DOCK1: variants seen among roughly 807,000 people sequenced by gnomAD.
The protein encoded by DOCK1 is dedicator of cytokinesis 1, also known as dedicator of cytokinesis protein 1.
In DOCK1, 138 loss-of-function variants were observed where a neutral mutation model predicts 262.7. That is an observed-to-expected ratio of 0.53 (90% CI 0.46 to 0.61). The LOEUF (loss-of-function observed/expected upper bound fraction) is 0.61, where lower values mean the gene tolerates loss of function less well. DOCK1 is among the 20% of genes least tolerant of loss of function. The probability of loss-of-function intolerance (pLI) is 0.00; values close to 1 mark genes in which losing one functional copy is unlikely to be tolerated. For missense variants in DOCK1, 1,908 were observed against 2,370.7 expected (o/e 0.80, Z 4.05); for synonymous variants, 866 against 867.4 (o/e 1.00, Z 0.03).
In DOCK1 at chr10:127,223,286, T is replaced by C. The variant is rs564583357; in HGVS notation, c.2848-24722T>C. Among the ~76,000 whole-genome samples the C allele has an allele frequency of 1.1e-4, 17 of 152,288 alleles. No homozygotes were observed. In the South Asian group the frequency reaches 3.3e-3, roughly 30 times the overall value. ...TATACAAAAGCAAATCAACTCAAAG[T>C]GTGTGTTTATCATTTAGAAAGGTAA... On this transcript the variant is annotated intron_variant, in intron 27 of 51. Transcript: ENST00000623213.
intron 42 of DOCK1, among the ~76,000 whole-genome samples, chr10:127,410,385 C>T (rs1051464998): frequency 6.6e-5 from 10 of 152,178 alleles, no homozygotes; most frequent in Non-Finnish European, 5.9e-5. Flanking sequence ...CCTGTGCATG[C>T]GGAAAGCCTG....
At chr10:126,954,685 TTC>T (rs2036590118) in intron 1 of DOCK1, among the ~76,000 whole-genome samples, 1 of 152,250 alleles carries the variant, frequency 6.6e-6, no homozygotes, top group Non-Finnish European at 1.5e-5. Context: ...GATCACACGC[TTC>T]TGTCCTTTTG....
intron 22 of DOCK1, among the ~76,000 whole-genome samples, chr10:127,059,270 T>A (rs964943389): frequency 6.6e-6 from 1 of 152,216 alleles, no homozygotes; most frequent in East Asian, 1.9e-4. Context: ...AATCTTACTA[T>A]GGGTTGCATA....
At chr10:127,319,647 G>A (rs760439835) in intron 29 of DOCK1, among the ~76,000 whole-genome samples, 5 of 152,108 alleles carry the variant, frequency 3.3e-5, no homozygotes, top group South Asian at 2.1e-4. Flanking sequence ...TTTACTAGAC[G>A]GAACAAGGAA....
chr10:126,926,507 C>T (rs76927609), intron 1 of DOCK1, among the ~76,000 whole-genome samples: 3 of 152,136 alleles, frequency 2.0e-5, no homozygotes, highest in Admixed American at 6.5e-5. Flanking sequence ...ACTTAATAAA[C>T]ATTCTATGCC....
At chr10:126,994,365 G>A (rs971497571) in intron 6 of DOCK1, among the ~76,000 whole-genome samples, 2 of 152,182 alleles carry the variant, frequency 1.3e-5, no homozygotes, top group African/African-American at 2.4e-5. Context: ...GTGTTTCTCC[G>A]AGAGGGGGAT....
intron 27 of DOCK1, among the ~76,000 whole-genome samples, chr10:127,239,253 C>T (rs1002564143): frequency 1.3e-5 from 2 of 151,998 alleles, no homozygotes; most frequent in South Asian, 2.1e-4. Context: ...AGCATACAAC[C>T]GCATACAACA....
chr10:127,315,693 G>T (rs994358765), intron 29 of DOCK1, among the ~76,000 whole-genome samples: 2 of 152,122 alleles, frequency 1.3e-5, no homozygotes, highest in Admixed American at 6.5e-5. Context: ...TTGCATTTCC[G>T]GATTCCAAAT....
chr10:127,240,748 A>G (rs1425208310), intron 27 of DOCK1, among the ~76,000 whole-genome samples: 1 of 152,164 alleles, frequency 6.6e-6, no homozygotes, highest in Non-Finnish European at 1.5e-5. Context: ...GTAGCTTTAA[A>G]GAAATTCTAT....
intron 19 of DOCK1, among the ~76,000 whole-genome samples, chr10:127,038,862 AC>A (rs1230715606): frequency 6.6e-6 from 1 of 152,122 alleles, no homozygotes; most frequent in Admixed American, 6.5e-5. Context: ...TGCTGGGGCA[AC>A]TTTTCCTTGT....
At chr10:127,041,326 G>A (rs1050712104) in intron 19 of DOCK1, among the ~76,000 whole-genome samples, 9 of 152,100 alleles carry the variant, frequency 5.9e-5, no homozygotes, top group African/African-American at 1.9e-4. Flanking sequence ...TCGAACTCCC[G>A]ACCTCAGGTG....
At chr10:126,980,947 T>G (rs1222573239) in intron 3 of DOCK1, among the ~76,000 whole-genome samples, 2 of 145,970 alleles carry the variant, frequency 1.4e-5, no homozygotes, top group Non-Finnish European at 3.0e-5. Flanking sequence ...GACCCTACGT[T>G]TTTTTTTTTT....
intron 29 of DOCK1, among the ~76,000 whole-genome samples, chr10:127,302,232 G>A (rs2135437481): frequency 6.6e-6 from 1 of 152,248 alleles, no homozygotes; most frequent in East Asian, 1.9e-4. Flanking sequence ...AGTCCCAAGG[G>A]TGTCTGTCCC....
chr10:127,249,432 TACACACACACACAC>T (rs376080330), intron 28 of DOCK1, among the ~76,000 whole-genome samples: 11 of 97,042 alleles, frequency 1.1e-4, no homozygotes, highest in African/African-American at 4.3e-4. Flanking sequence ...CATATATATA[TACACACACACACAC>T]ACACACACAC....
chr10:127,063,893 C>A (rs556001339), intron 23 of DOCK1, among the ~76,000 whole-genome samples: 7 of 152,264 alleles, frequency 4.6e-5, no homozygotes, highest in Non-Finnish European at 8.8e-5. Flanking sequence ...TGCATTGATG[C>A]AAACCTTACA....
At chr10:126,969,133 A>G (rs1441622161) in intron 1 of DOCK1, among the ~76,000 whole-genome samples, 3 of 152,228 alleles carry the variant, frequency 2.0e-5, no homozygotes, top group Non-Finnish European at 4.4e-5. Flanking sequence ...CCATTGTGCC[A>G]GATCCAACAG....
chr10:127,385,675 G>A (rs2066070024), intron 38 of DOCK1, among the ~76,000 whole-genome samples: 1 of 152,208 alleles, frequency 6.6e-6, no homozygotes, highest in African/African-American at 2.4e-5. Flanking sequence ...GCTTAGTGCT[G>A]GGAGCTGCAA....
chr10:127,371,617 T>C (rs2065213655), intron 33 of DOCK1, among the ~76,000 whole-genome samples: 1 of 152,248 alleles, frequency 6.6e-6, no homozygotes, highest in Non-Finnish European at 1.5e-5. Flanking sequence ...GTACCTTTCT[T>C]GTTGTCTGTA....
At chr10:127,205,812 C>T (rs915009600) in intron 27 of DOCK1, among the ~76,000 whole-genome samples, 3 of 152,214 alleles carry the variant, frequency 2.0e-5, no homozygotes, top group Non-Finnish European at 2.9e-5. Flanking sequence ...CCATGTAAGA[C>T]ACAATGGTCT....
Sources: gnomAD v4.1 joint callset for allele counts (sites outside exome capture counted in the v4.1 genomes callset) on GRCh38, gnomAD v4.1.1 for gene constraint, MANE v1.5 for transcripts, NCBI Gene and HGNC (gene_info 2026-07-23, HGNC 2026-07-21) for gene names.